CELF2: variants seen among roughly 807,000 people sequenced by gnomAD.
CELF2 encodes CUG triplet repeat RNA-binding protein 2.
In CELF2, 8 loss-of-function variants were observed where a neutral mutation model predicts 62.6. The ratio of observed to expected loss-of-function variants is 0.13; its 90% CI spans 0.07 to 0.23. CELF2 has a LOEUF of 0.23. CELF2 is among the 10% of genes least tolerant of loss of function. The probability of loss-of-function intolerance (pLI) is 1.00; values close to 1 mark genes in which losing one functional copy is unlikely to be tolerated. For synonymous variants in CELF2, 258 were observed against 250.0 expected (o/e 1.03, Z -0.30); for missense variants, 333 against 671.0 (o/e 0.50, Z 5.56).
chr10:11,065,117 C>T (rs1385513053), intron 1 of CELF2, among the ~76,000 whole-genome samples: 1 of 152,176 alleles, frequency 6.6e-6, no homozygotes, highest in Non-Finnish European at 1.5e-5. Context: ...GGTGAGTTTC[C>T]TTTCATAACT....
At chr10:10,725,803 G>T in the CELF2 span, among the ~76,000 whole-genome samples, 1 of 151,808 alleles carries the variant, frequency 6.6e-6, no homozygotes, top group East Asian at 1.9e-4. Flanking sequence ...CAGTGCTCCA[G>T]TTCGCTTCCT....
chr10:10,872,746 A>G (rs1378067129), intron 1 of CELF2, among the ~76,000 whole-genome samples: 2 of 152,080 alleles, frequency 1.3e-5, no homozygotes, highest in African/African-American at 2.4e-5. Flanking sequence ...TTTTGCACCC[A>G]TGGGGTGAGG....
chr10:11,134,660 G>T (rs2060145994), intron 1 of CELF2, among the ~76,000 whole-genome samples: 1 of 152,210 alleles, frequency 6.6e-6, no homozygotes, highest in Admixed American at 6.5e-5. Context: ...GCTGCTCACA[G>T]ACCTTCAGTA....
intron 2 of CELF2, among the ~76,000 whole-genome samples, chr10:11,200,913 T>A (rs138851936): frequency 8.7e-4 from 132 of 152,334 alleles, no homozygotes; most frequent in Middle Eastern, 3.4e-3. Flanking sequence ...TCAGTGAGGA[T>A]GAAATGTCAG....
chr10:11,176,140 GT>G (rs1443672078), intron 2 of CELF2, among the ~76,000 whole-genome samples: 13 of 152,216 alleles, frequency 8.5e-5, no homozygotes, highest in African/African-American at 1.2e-4. Context: ...CACGTCTGAC[GT>G]TTTTTCCTTT....
chr10:10,476,439 G>T, the CELF2 span, among the ~76,000 whole-genome samples: 2 of 152,120 alleles, frequency 1.3e-5, no homozygotes, highest in African/African-American at 4.8e-5. Context: ...ATTCACATCT[G>T]CTGGGACAAG....
intron 1 of CELF2, among the ~76,000 whole-genome samples, chr10:11,137,408 G>A (rs751539948): frequency 4.6e-5 from 7 of 152,236 alleles, no homozygotes; most frequent in East Asian, 3.8e-4. Flanking sequence ...GGTGGAAGCC[G>A]TGTTAGTACA....
chr10:10,787,500 A>G, the CELF2 span, among the ~76,000 whole-genome samples: 48 of 152,370 alleles, frequency 3.2e-4, no homozygotes, highest in African/African-American at 1.1e-3. Flanking sequence ...CATAAAACGC[A>G]AACTTTATAA....
chr10:10,704,639 A>G, the CELF2 span, among the ~76,000 whole-genome samples: 3 of 152,118 alleles, frequency 2.0e-5, no homozygotes, highest in African/African-American at 7.2e-5. Context: ...CCGTTTCTCT[A>G]GGAGACGCAT....
At chr10:10,643,567 T>C in the CELF2 span, among the ~76,000 whole-genome samples, 2 of 152,190 alleles carry the variant, frequency 1.3e-5, no homozygotes, top group African/African-American at 2.4e-5. Context: ...AATGGATTAA[T>C]ACAGGTAAAT....
the CELF2 span, among the ~76,000 whole-genome samples, chr10:10,756,430 C>T: frequency 6.6e-6 from 1 of 152,170 alleles, no homozygotes; most frequent in Admixed American, 6.5e-5. Flanking sequence ...ATAAAACACT[C>T]TCATGGTTTT....
chr10:11,278,115 AAAAG>A (rs1409051681), intron 8 of CELF2, among the ~76,000 whole-genome samples: 8 of 152,226 alleles, frequency 5.3e-5, no homozygotes, highest in African/African-American at 1.7e-4. Flanking sequence ...AAAACCAAAA[AAAAG>A]AAAGAGAAAT....
chr10:10,769,505 G>A, the CELF2 span, among the ~76,000 whole-genome samples: 1 of 152,178 alleles, frequency 6.6e-6, no homozygotes, highest in Non-Finnish European at 1.5e-5. Context: ...GCTCATGCCT[G>A]TAATCCTAGC....
chr10:11,050,560 T>C (rs1279041139), intron 1 of CELF2, among the ~76,000 whole-genome samples: 1 of 152,242 alleles, frequency 6.6e-6, no homozygotes, highest in Non-Finnish European at 1.5e-5. Flanking sequence ...GATTCATAGC[T>C]ACGTGCAGAC....
intron 8 of CELF2, among the ~76,000 whole-genome samples, chr10:11,286,518 C>G (rs1391677283): frequency 2.0e-5 from 3 of 152,212 alleles, no homozygotes; most frequent in African/African-American, 4.8e-5. Flanking sequence ...ACACTCAAGT[C>G]AAACATGCAT....
At chr10:10,774,952 C>T in the CELF2 span, among the ~76,000 whole-genome samples, 1 of 151,644 alleles carries the variant, frequency 6.6e-6, no homozygotes. Context: ...AATCTTGGCT[C>T]ACTGCAACCT....
the CELF2 span, among the ~76,000 whole-genome samples, chr10:10,772,509 G>C: frequency 2.0e-5 from 3 of 152,102 alleles, no homozygotes; most frequent in African/African-American, 7.2e-5. Context: ...AAACCTTTTC[G>C]ATAAACACTG....
At chr10:10,876,600 C>A (rs1338551009) in intron 1 of CELF2, among the ~76,000 whole-genome samples, 1 of 152,136 alleles carries the variant, frequency 6.6e-6, no homozygotes, top group Non-Finnish European at 1.5e-5. Flanking sequence ...TGTGATGGCT[C>A]TGGTTTTTTG....
At chr10:10,903,520 C>T (rs919072381) in intron 1 of CELF2, among the ~76,000 whole-genome samples, 5 of 151,996 alleles carry the variant, frequency 3.3e-5, no homozygotes, top group Admixed American at 1.3e-4. Flanking sequence ...AAAAAGAGTC[C>T]GAAAGGGCCA....
Sources: gnomAD v4.1 joint callset for allele counts (sites outside exome capture counted in the v4.1 genomes callset) on GRCh38, gnomAD v4.1.1 for gene constraint, MANE v1.5 for transcripts, NCBI Gene and HGNC (gene_info 2026-07-23, HGNC 2026-07-21) for gene names.